FSTL4: variants seen among roughly 807,000 people sequenced by gnomAD.
FSTL4 encodes the protein follistatin-related protein 4.
FSTL4 carries 28 observed loss-of-function variants against 78.2 expected under a neutral mutation model. That is an observed-to-expected ratio of 0.36 (90% CI 0.27 to 0.49). FSTL4 has a LOEUF of 0.49. Among genes scored for constraint, FSTL4 ranks in the 20% least tolerant of loss-of-function variants. The pLI is 0.98. For missense variants in FSTL4, 922 were observed against 1,084.9 expected, an observed-to-expected ratio of 0.85 and a Z score of 2.11; for synonymous variants, 422 against 440.5, an observed-to-expected ratio of 0.96 and a Z score of 0.53.
intron 3 of FSTL4, among the ~76,000 whole-genome samples, chr5:133,509,848 G>A (rs988704056): frequency 1.4e-4 from 21 of 152,382 alleles, no homozygotes; most frequent in African/African-American, 5.0e-4. Context: ...CCTGGGCAGT[G>A]CCCACTGACC....
chr5:133,512,210 C>A (rs1456136905), intron 3 of FSTL4, among the ~76,000 whole-genome samples: 1 of 152,250 alleles, frequency 6.6e-6, no homozygotes, highest in Non-Finnish European at 1.5e-5. Flanking sequence ...AGGCGGCAGA[C>A]CGTGCTTCTC....
the FSTL4 span, among the ~76,000 whole-genome samples, chr5:133,742,678 T>A: frequency 6.6e-6 from 1 of 152,252 alleles, no homozygotes; most frequent in Non-Finnish European, 1.5e-5. Context: ...CAAAACCAGA[T>A]AATAGGCAGA....
At chr5:133,388,049 T>C (rs1054927932) in intron 4 of FSTL4, 2 of 152,252 alleles carry the variant, frequency 1.3e-5, no homozygotes, top group African/African-American at 4.8e-5. Flanking sequence ...GCAGGATCTG[T>C]TGAAATTCCA....
the FSTL4 span, among the ~76,000 whole-genome samples, chr5:133,748,300 T>G: frequency 6.6e-6 from 1 of 152,050 alleles, no homozygotes; most frequent in African/African-American, 2.4e-5. Context: ...CCAGGTGTGG[T>G]GGCTCACATC....
At chr5:133,296,452 G>A (rs1352073368) in intron 6 of FSTL4, among the ~76,000 whole-genome samples, 2 of 152,190 alleles carry the variant, frequency 1.3e-5, no homozygotes, top group Non-Finnish European at 2.9e-5. Context: ...TTCACCCATT[G>A]TGAAAACAAA....
chr5:133,772,018 C>T, the FSTL4 span, among the ~76,000 whole-genome samples: 1 of 152,142 alleles, frequency 6.6e-6, no homozygotes, highest in Non-Finnish European at 1.5e-5. Context: ...AACACTGATG[C>T]TAACATACAA....
chr5:133,482,761 G>T (rs967293982), intron 3 of FSTL4, among the ~76,000 whole-genome samples: 1 of 152,156 alleles, frequency 6.6e-6, no homozygotes, highest in Non-Finnish European at 1.5e-5. Flanking sequence ...GGGAGGGCAG[G>T]GGCTCTGAGA....
At chr5:133,699,118 C>T in the FSTL4 span, among the ~76,000 whole-genome samples, 1 of 152,108 alleles carries the variant, frequency 6.6e-6, no homozygotes, top group Non-Finnish European at 1.5e-5. Context: ...CTCACCAGCC[C>T]CTCCTTTCTG....
intron 12 of FSTL4, among the ~76,000 whole-genome samples, chr5:133,218,382 T>G (rs529346812): frequency 1.3e-5 from 2 of 152,310 alleles, no homozygotes; most frequent in South Asian, 4.1e-4. Context: ...GCTCCTGGAT[T>G]CCACCCTAGC....
chr5:133,810,551 G>A, the FSTL4 span, among the ~76,000 whole-genome samples: 6 of 152,308 alleles, frequency 3.9e-5, no homozygotes, highest in Admixed American at 3.3e-4. Context: ...GCAAAAGAAA[G>A]AGAAAGAAGA....
intron 4 of FSTL4, among the ~76,000 whole-genome samples, chr5:133,392,104 G>T (rs1755863921): frequency 6.6e-6 from 1 of 152,208 alleles, no homozygotes; most frequent in Non-Finnish European, 1.5e-5. Context: ...ATGCCATATG[G>T]AAAGTGGATT....
chr5:133,727,146 C>G, the FSTL4 span, among the ~76,000 whole-genome samples: 1 of 152,080 alleles, frequency 6.6e-6, no homozygotes, highest in Non-Finnish European at 1.5e-5. Context: ...ACCCAGAGAC[C>G]AATCAATGTT....
chr5:133,275,358 G>T (rs570578992), intron 6 of FSTL4, among the ~76,000 whole-genome samples: 1 of 152,204 alleles, frequency 6.6e-6, no homozygotes, highest in Admixed American at 6.5e-5. Flanking sequence ...TCAGGAGTTC[G>T]AGACCAGCCT....
At chr5:133,728,705 G>A in the FSTL4 span, among the ~76,000 whole-genome samples, 57 of 152,224 alleles carry the variant, frequency 3.7e-4, no homozygotes, top group Middle Eastern at 6.8e-3. Flanking sequence ...AGTGATTGGA[G>A]ACAGAATGGT....
At chr5:133,594,635 C>T (rs1408212646) in intron 2 of FSTL4, among the ~76,000 whole-genome samples, 2 of 152,196 alleles carry the variant, frequency 1.3e-5, no homozygotes, top group Non-Finnish European at 2.9e-5. Flanking sequence ...CAGGCCTCTC[C>T]CGTTTGACAC....
At chr5:133,387,024 C>T (rs1469335949) in intron 4 of FSTL4, among the ~76,000 whole-genome samples, 1 of 152,200 alleles carries the variant, frequency 6.6e-6, no homozygotes, top group Non-Finnish European at 1.5e-5. Flanking sequence ...TTTTTAGGTA[C>T]CTGCTGTCTG....
At chr5:133,810,159 C>T in the FSTL4 span, among the ~76,000 whole-genome samples, 1 of 152,228 alleles carries the variant, frequency 6.6e-6, no homozygotes, top group African/African-American at 2.4e-5. Context: ...ATAAAACCTG[C>T]CCATGCAGAT....
intron 4 of FSTL4, among the ~76,000 whole-genome samples, chr5:133,355,023 G>A (rs576559329): frequency 5.9e-4 from 90 of 152,356 alleles, no homozygotes; most frequent in Admixed American, 9.8e-4. Context: ...CTCTGGCTGT[G>A]GTTGATGCTG....
intron 4 of FSTL4, among the ~76,000 whole-genome samples, chr5:133,350,431 G>C (rs1754798819): frequency 6.6e-6 from 1 of 152,206 alleles, no homozygotes; most frequent in Non-Finnish European, 1.5e-5. Context: ...CACAGCATGG[G>C]CAGATCTTCC....
Sources: gnomAD v4.1 joint callset for allele counts (sites outside exome capture counted in the v4.1 genomes callset) on GRCh38, gnomAD v4.1.1 for gene constraint, MANE v1.5 for transcripts, NCBI Gene and HGNC (gene_info 2026-07-23, HGNC 2026-07-21) for gene names.